The following PTPRM variants were observed in gnomAD, a reference collection of about 807,000 sequenced individuals.
PTPRM encodes protein tyrosine phosphatase receptor type M.
In PTPRM, 47 loss-of-function variants were observed where a neutral mutation model predicts 186.7. The ratio of observed to expected loss-of-function variants is 0.25; its 90% CI spans 0.20 to 0.32. PTPRM has a LOEUF of 0.32. Ranked by LOEUF, PTPRM falls within the 10% of genes least tolerant of loss-of-function variation. PTPRM has a pLI of 1.00. For missense variants in PTPRM, 1,494 were observed against 1,865.0 expected (o/e 0.80, Z 3.66); for synonymous variants, 668 against 674.9 (o/e 0.99, Z 0.16).
chr18:8,083,288 G>T (rs1463440123), intron 9 of PTPRM, among the ~76,000 whole-genome samples: 1 of 152,148 alleles, frequency 6.6e-6, no homozygotes, highest in African/African-American at 2.4e-5. Context: ...ATCTTGGGGT[G>T]CAAAGCACTG....
intron 6 of PTPRM, among the ~76,000 whole-genome samples, chr18:7,954,042 G>A (rs960429961): frequency 5.9e-5 from 9 of 152,072 alleles, no homozygotes; most frequent in African/African-American, 1.9e-4. Flanking sequence ...GTAGAAATAC[G>A]TTGTTTTGTA....
chr18:7,569,004 C>T (rs770694327), intron 1 of PTPRM, among the ~76,000 whole-genome samples: 1 of 152,150 alleles, frequency 6.6e-6, no homozygotes, highest in Non-Finnish European at 1.5e-5. Context: ...AATAAAAAAG[C>T]CTGCTCTTTG....
rs71165776 is a variant in PTPRM, at chr18:8,238,651, G to GTTTTTTTTTT, written c.2301-5383_2301-5374dup. Among the ~76,000 whole-genome samples, 49 of 25,752 alleles carry GTTTTTTTTTT rather than the reference G, an allele frequency of 1.9e-3. 10 individuals carry two copies. The highest frequency in any genetic ancestry group is 7.5e-3 in the East Asian group (5 of 670). The allele number at this position is 25,752 out of a possible 152,430, so 16.9% of individuals were successfully genotyped here. A position where few individuals can be genotyped will look rare whatever the true frequency, so the allele number is the denominator to read the frequency against. ...TCTGTCTCTTCACACTGTTTTGTGT[G>GTTTTTTTTTT]TTTTTTTTTTTTTTTTTTTTTTTTT... On this transcript the variant is annotated intron_variant, in intron 14 of 32. Transcript: ENST00000580170.
At chr18:8,191,804 A>T (rs2093713444) in intron 14 of PTPRM, among the ~76,000 whole-genome samples, 1 of 152,190 alleles carries the variant, frequency 6.6e-6, no homozygotes, top group Admixed American at 6.5e-5. Flanking sequence ...TGTTTTTCAT[A>T]TCCCAGAAAT....
chr18:7,816,975 ATT>A (rs71354570), intron 2 of PTPRM, among the ~76,000 whole-genome samples: 2,075 of 138,556 alleles, frequency 0.015, 44 homozygotes, highest in African/African-American at 0.052. Flanking sequence ...TAGTTAATTA[ATT>A]TTTTTTTTTT....
chr18:7,731,142 G>A (rs762711903), intron 1 of PTPRM, among the ~76,000 whole-genome samples: 17 of 152,166 alleles, frequency 1.1e-4, no homozygotes, highest in Non-Finnish European at 1.6e-4. Context: ...CACTGAAAGA[G>A]AACAGCACTT....
chr18:7,721,733 A>G (rs1446471050), intron 1 of PTPRM, among the ~76,000 whole-genome samples: 1 of 152,190 alleles, frequency 6.6e-6, no homozygotes, highest in African/African-American at 2.4e-5. Flanking sequence ...TTTTTGACAC[A>G]CATGTCAGAA....
intron 7 of PTPRM, among the ~76,000 whole-genome samples, chr18:8,011,913 G>A (rs2084553322): frequency 6.6e-6 from 1 of 152,190 alleles, no homozygotes; most frequent in Non-Finnish European, 1.5e-5. Flanking sequence ...CTAGTAACAT[G>A]ACCAAATTAT....
At chr18:8,050,045 T>C (rs1042089271) in intron 7 of PTPRM, among the ~76,000 whole-genome samples, 2 of 152,104 alleles carry the variant, frequency 1.3e-5, no homozygotes, top group African/African-American at 4.8e-5. Context: ...TAAGAAGGAA[T>C]AGTCATAAAG....
At chr18:8,201,186 C>T (rs941986361) in intron 14 of PTPRM, among the ~76,000 whole-genome samples, 6 of 152,066 alleles carry the variant, frequency 3.9e-5, no homozygotes, top group Admixed American at 1.3e-4. Flanking sequence ...CATGGTGGTG[C>T]GCACCTGTAG....
chr18:7,629,375 A>G (rs1050029952), intron 1 of PTPRM, among the ~76,000 whole-genome samples: 7 of 152,186 alleles, frequency 4.6e-5, no homozygotes, highest in African/African-American at 1.7e-4. Flanking sequence ...TGCTCATCAG[A>G]ATGATCCAGC....
At chr18:7,678,635 A>G (rs368422750) in intron 1 of PTPRM, among the ~76,000 whole-genome samples, 5 of 151,864 alleles carry the variant, frequency 3.3e-5, no homozygotes, top group Admixed American at 2.0e-4. Flanking sequence ...TATGAAGTCC[A>G]CCCCTGTTTT....
chr18:7,847,010 A>G (rs2046629175), intron 2 of PTPRM, among the ~76,000 whole-genome samples: 2 of 151,538 alleles, frequency 1.3e-5, no homozygotes, highest in African/African-American at 4.9e-5. Flanking sequence ...TATTCAAGGA[A>G]GTAGTTTAAA....
intron 1 of PTPRM, among the ~76,000 whole-genome samples, chr18:7,746,627 G>A (rs1468670306): frequency 6.6e-6 from 1 of 151,934 alleles, no homozygotes; most frequent in African/African-American, 2.4e-5. Flanking sequence ...CACCATGCCT[G>A]GCTAATTTTT....
intron 19 of PTPRM, among the ~76,000 whole-genome samples, chr18:8,280,478 G>A (rs1436923116): frequency 6.6e-6 from 1 of 152,034 alleles, no homozygotes. Context: ...ATGCTGAGAG[G>A]TCTCGCAATT....
intron 1 of PTPRM, among the ~76,000 whole-genome samples, chr18:7,598,720 G>A (rs1365962999): frequency 6.9e-6 from 1 of 145,160 alleles, no homozygotes; most frequent in African/African-American, 2.5e-5. Flanking sequence ...AAACATTGCT[G>A]TTATCTTAGT....
chr18:7,644,496 A>T (rs1431245188), intron 1 of PTPRM, among the ~76,000 whole-genome samples: 1 of 152,194 alleles, frequency 6.6e-6, no homozygotes, highest in African/African-American at 2.4e-5. Flanking sequence ...AGTTGTATAT[A>T]TCTCAACTGT....
At chr18:7,648,992 G>C (rs2038632056) in intron 1 of PTPRM, among the ~76,000 whole-genome samples, 1 of 152,180 alleles carries the variant, frequency 6.6e-6, no homozygotes, top group African/African-American at 2.4e-5. Context: ...TGGCTTCAAG[G>C]AGAGGCCAAC....
intron 4 of PTPRM, among the ~76,000 whole-genome samples, chr18:7,908,955 T>C (rs923140454): frequency 6.6e-6 from 1 of 152,202 alleles, no homozygotes; most frequent in Non-Finnish European, 1.5e-5. Flanking sequence ...TGTAATTGCA[T>C]GCCTACTAAG....
Sources: allele counts gnomAD v4.1 joint callset (sites outside exome capture counted in the v4.1 genomes callset), GRCh38; gene constraint gnomAD v4.1.1; transcripts MANE v1.5; gene names NCBI Gene and HGNC (gene_info 2026-07-23, HGNC 2026-07-21).